Variants in SAP18 observed in about 807,000 individuals in gnomAD.
The protein encoded by SAP18 is Sin3A associated protein 18, also known as histone deacetylase complex subunit SAP18.
Under a neutral mutation model 18.6 loss-of-function variants are expected in SAP18, and 4 were observed. The ratio of observed to expected loss-of-function variants is 0.21; its 90% CI spans 0.11 to 0.49. The LOEUF (loss-of-function observed/expected upper bound fraction) is 0.49. Ranked by LOEUF, SAP18 falls within the 20% of genes least tolerant of loss-of-function variation. The probability of loss-of-function intolerance (pLI) is 0.98; values close to 1 mark genes in which losing one functional copy is unlikely to be tolerated. For missense variants in SAP18, 170 were observed against 226.4 expected (o/e 0.75, Z 1.60); for synonymous variants, 112 against 82.8 (o/e 1.35, Z -1.92).
At chr13:21,145,065 CT>C (rs1167195491) in intron 2 of SAP18, among the ~76,000 whole-genome samples, 1,501 of 127,712 alleles carry the variant, frequency 0.012, 9 homozygotes, top group African/African-American at 0.035. Context: ...TTCTTGACCT[CT>C]TTTTTTTTTT....
exon 2 of SAP18, chr13:21,140,975 C>T: frequency 6.4e-7 from 1 of 1,552,538 alleles, no homozygotes; most frequent in Non-Finnish European, 8.7e-7. Context: ...TACCGTCCAG[C>T]GAGTTGCAGA....
chr13:21,142,096 G>T (rs766193345), intron 2 of SAP18, among the ~76,000 whole-genome samples: 8 of 150,336 alleles, frequency 5.3e-5, no homozygotes, highest in Non-Finnish European at 1.0e-4. Context: ...AGACCAGTCT[G>T]GCCAGCGTGA....
chr13:21,144,895 A>G (rs1869594306), intron 2 of SAP18, among the ~76,000 whole-genome samples: 1 of 152,148 alleles, frequency 6.6e-6, no homozygotes, highest in Admixed American at 6.5e-5. Flanking sequence ...TATTGAAAAT[A>G]TTTTTAGAAA....
intron 2 of SAP18, among the ~76,000 whole-genome samples, chr13:21,145,127 C>T (rs893756451): frequency 2.8e-5 from 4 of 142,156 alleles, no homozygotes; most frequent in South Asian, 2.2e-4. Context: ...AGTGCAGTGG[C>T]GCGATCTCGG....
chr13:21,140,887 C>T, exon 2 of SAP18: 1 of 1,612,842 alleles, frequency 6.2e-7, no homozygotes, highest in Non-Finnish European at 8.5e-7. Flanking sequence ...CTCCCTCAGA[C>T]ATGCCCACTG....
chr13:21,147,198 T>A (rs1029458992), exon 4 of SAP18: 3 of 1,612,910 alleles, frequency 1.9e-6, no homozygotes, highest in Non-Finnish European at 2.5e-6. Flanking sequence ...TTAAGGAGAT[T>A]GGCAGCACCA....
chr13:21,146,942 AT>A lies in SAP18; in HGVS notation c.362+20del, dbSNP rs748445769. The A allele has an allele frequency of 1.2e-6, 2 of 1,600,142 alleles. No homozygotes were observed. Among genetic ancestry groups the A allele is most frequent in the Non-Finnish European group, 1.7e-6 (2 of 1,175,876 alleles). ...CCTGGCTATCGGTAGGTAACTTCTCATTTTTAAGTCCTGTAATCTCTTTGTT... is the reference window on the plus strand; with the variant it reads ...CCTGGCTATCGGTAGGTAACTTCTCATTTTAAGTCCTGTAATCTCTTTGTT... On this transcript the variant is annotated intron_variant, in intron 3 of 3. Coordinates refer to ENST00000621421, the Ensembl canonical transcript of SAP18.
At chr13:21,142,274 G>A (rs960918949) in intron 2 of SAP18, among the ~76,000 whole-genome samples, 1 of 150,928 alleles carries the variant, frequency 6.6e-6, no homozygotes, top group Non-Finnish European at 1.5e-5. Flanking sequence ...GCGACAGAGC[G>A]AGACTCTGTC....
At chr13:21,140,445 C>G (rs975446690), upstream of SAP18, 30 of 1,310,582 alleles carry the variant, frequency 2.3e-5, no homozygotes, top group Non-Finnish European at 2.7e-5. Flanking sequence ...CAGGCGCGCT[C>G]CGGCTCGCTC....
At chr13:21,140,449 C>T (rs1301945575), upstream of SAP18, 6 of 1,337,574 alleles carry the variant, frequency 4.5e-6, no homozygotes, top group East Asian at 1.3e-4. Context: ...CGCGCTCCGG[C>T]TCGCTCACCA....
At chr13:21,145,765 C>G (rs541700644) in intron 2 of SAP18, among the ~76,000 whole-genome samples, 1 of 152,184 alleles carries the variant, frequency 6.6e-6, no homozygotes, top group Non-Finnish European at 1.5e-5. Context: ...GTGATCCACC[C>G]GCCTTGGCCT....
chr13:21,142,156 G>A (rs566745654), intron 2 of SAP18, among the ~76,000 whole-genome samples: 6 of 148,960 alleles, frequency 4.0e-5, no homozygotes, highest in African/African-American at 1.5e-4. Flanking sequence ...GTGTGGTGGC[G>A]CAGAATTGTA....
chr13:21,147,507 A>G, exon 4 of SAP18: 1 of 652,650 alleles, frequency 1.5e-6, no homozygotes, highest in Non-Finnish European at 2.6e-6. Context: ...ATGATTACGA[A>G]TAGTCTGTAT....
intron 3 of SAP18, 119 bp downstream of exon 3, chr13:21,147,046 G>A (rs1307683814): frequency 1.3e-5 from 18 of 1,410,878 alleles, no homozygotes; most frequent in East Asian, 2.3e-5. Context: ...ATATTAATAC[G>A]TGGTTTGGCT....
chr13:21,146,924 A>G (rs1405698390), exon 3 of SAP18: 18 of 1,606,706 alleles, frequency 1.1e-5, no homozygotes, highest in East Asian at 2.2e-5. Flanking sequence ...AGACCTGGCT[A>G]TCGGTAGGTA....
At chr13:21,140,538 A>AG in exon 1 of SAP18, 1 of 1,573,104 alleles carries the variant, frequency 6.4e-7, no homozygotes, top group South Asian at 1.2e-5. Context: ...TCTCCTCGCG[A>AG]GAGACTTAGT....
intron 2 of SAP18, among the ~76,000 whole-genome samples, chr13:21,143,187 A>C (rs532800246): frequency 9.4e-4 from 143 of 152,320 alleles, no homozygotes; most frequent in African/African-American, 3.3e-3. Context: ...ATTGGCATAC[A>C]AATGTGTTTG....
Position 21,146,791 on chromosome 13 carries a change from T to TA in SAP18, c.240-6dup, listed in dbSNP as rs781253125. 5.3e-5 allele frequency: 83 copies of TA among 1,569,856 alleles called. No homozygotes were observed. In the Middle Eastern group the frequency reaches 1.2e-3, roughly 23 times the overall value. On this transcript the variant is annotated splice_polypyrimidine_tract_variant and intron_variant, in intron 2 of 3. Coordinates refer to ENST00000621421, the Ensembl canonical transcript of SAP18. ...AATAAGCAAATGTAAATGTCTTTTTTAAAAAAAATCCAGGATGGATGCAAC... is the reference window on the plus strand; with the variant it reads ...AATAAGCAAATGTAAATGTCTTTTTTAAAAAAAAATCCAGGATGGATGCAAC...
intron 2 of SAP18, among the ~76,000 whole-genome samples, chr13:21,143,198 T>C (rs1373093404): frequency 6.6e-6 from 1 of 152,240 alleles, no homozygotes; most frequent in Non-Finnish European, 1.5e-5. Context: ...AATGTGTTTG[T>C]GTCGCTGCTT....
Sources: allele counts gnomAD v4.1 joint callset (sites outside exome capture counted in the v4.1 genomes callset), GRCh38; gene constraint gnomAD v4.1.1; transcripts MANE v1.5; gene names NCBI Gene and HGNC (gene_info 2026-07-23, HGNC 2026-07-21).